Variants in PTPRD observed in about 807,000 individuals in gnomAD.
PTPRD encodes the protein receptor-type tyrosine-protein phosphatase delta.
Under a neutral mutation model 214.5 loss-of-function variants are expected in PTPRD, and 34 were observed. That is an observed-to-expected ratio of 0.16 (90% CI 0.12 to 0.21). PTPRD has a LOEUF of 0.21. Among genes scored for constraint, PTPRD ranks in the 10% least tolerant of loss-of-function variants. The pLI is 1.00. For missense variants in PTPRD, 2,545 were observed against 2,398.7 expected (o/e 1.06, Z -1.27); for synonymous variants, 1,128 against 845.7 (o/e 1.33, Z -5.79).
intron 11 of PTPRD, among the ~76,000 whole-genome samples, chr9:8,944,224 T>C (rs558450957): frequency 6.6e-5 from 10 of 152,208 alleles, no homozygotes; most frequent in African/African-American, 2.4e-4. Context: ...CCAGTTAAAA[T>C]GGCTTTTATC....
chr9:9,989,235 AGGGTC>A (rs2095829528), intron 4 of PTPRD, among the ~76,000 whole-genome samples: 2 of 152,030 alleles, frequency 1.3e-5, no homozygotes, highest in Admixed American at 1.3e-4. Flanking sequence ...GTCCCTGGCG[AGGGTC>A]CATCCTCAAG....
intron 12 of PTPRD, among the ~76,000 whole-genome samples, chr9:8,682,566 A>T (rs553145259): frequency 6.6e-6 from 1 of 152,348 alleles, no homozygotes; most frequent in South Asian, 2.1e-4. Flanking sequence ...AAAATAATTA[A>T]CACCCTTTTT....
chr9:9,051,222 T>C (rs1033150073), intron 10 of PTPRD, among the ~76,000 whole-genome samples: 2 of 152,124 alleles, frequency 1.3e-5, no homozygotes, highest in African/African-American at 4.8e-5. Flanking sequence ...CATCTGTCAA[T>C]TAAAAAATCT....
At chr9:8,528,554 T>G (rs1338856156) in intron 15 of PTPRD, 37 bp downstream of exon 15, 1 of 1,542,354 alleles carries the variant, frequency 6.5e-7, no homozygotes, top group South Asian at 1.3e-5. Context: ...AAAAAAAAAT[T>G]CTCTAGGAGT....
chr9:10,059,726 C>T (rs1391293381), intron 3 of PTPRD, among the ~76,000 whole-genome samples: 3 of 149,950 alleles, frequency 2.0e-5, no homozygotes, highest in East Asian at 2.0e-4. Flanking sequence ...AATTTGTAAG[C>T]GTCATAAACA....
intron 5 of PTPRD, among the ~76,000 whole-genome samples, chr9:9,794,657 T>C (rs1178621674): frequency 1.3e-5 from 2 of 152,188 alleles, no homozygotes; most frequent in East Asian, 1.9e-4. Context: ...TAATCTGATC[T>C]TCAAAAGAGC....
chr9:10,260,026 C>G (rs2093590091), intron 3 of PTPRD, among the ~76,000 whole-genome samples: 1 of 152,168 alleles, frequency 6.6e-6, no homozygotes, highest in Non-Finnish European at 1.5e-5. Context: ...CCGGCTAGTC[C>G]TTTGTGGTGG....
chr9:8,436,263 C>T (rs145774092), intron 35 of PTPRD, among the ~76,000 whole-genome samples: 2,218 of 152,052 alleles, frequency 0.015, 62 homozygotes, highest in African/African-American at 0.051. Flanking sequence ...CGATCTATTG[C>T]ACAGAATGGT....
intron 41 of PTPRD, among the ~76,000 whole-genome samples, chr9:8,340,762 CACTT>C (rs1265054108): frequency 2.0e-5 from 3 of 152,058 alleles, no homozygotes; most frequent in Non-Finnish European, 4.4e-5. Flanking sequence ...ACTTAAGAAA[CACTT>C]AGATGTGCAG....
Position 9,814,388 on chromosome 9 carries a change from A to G in PTPRD, c.-367-47537T>C, listed in dbSNP as rs189202705. 2.7e-4 allele frequency among the ~76,000 whole-genome samples: 41 copies of G among 151,772 alleles called. 1 individual carries two copies. Among genetic ancestry groups the G allele is most frequent in the Admixed American group, 2.6e-3 (39 of 15,236 alleles). ...AATGACTTCATTTTATATAGATAAA[A>G]CCCTCAACCCCCCACTATAAAACCG... On this transcript the variant is annotated intron_variant, in intron 5 of 45. Transcript: ENST00000381196.
At chr9:9,214,513 A>C (rs141600040) in intron 9 of PTPRD, among the ~76,000 whole-genome samples, 1 of 151,962 alleles carries the variant, frequency 6.6e-6, no homozygotes, top group Non-Finnish European at 1.5e-5. Context: ...TCTACTACAA[A>C]GCAGGGGGTG....
chr9:10,409,093 A>C (rs2098407352), intron 2 of PTPRD, among the ~76,000 whole-genome samples: 1 of 151,782 alleles, frequency 6.6e-6, no homozygotes, highest in Admixed American at 6.6e-5. Context: ...CACATTTTTA[A>C]GGGATTATAA....
chr9:8,407,063 C>T (rs2093054402), intron 35 of PTPRD, among the ~76,000 whole-genome samples: 1 of 152,196 alleles, frequency 6.6e-6, no homozygotes, highest in Admixed American at 6.5e-5. Flanking sequence ...TCCATTTCCA[C>T]TCTTGCCACA....
intron 4 of PTPRD, among the ~76,000 whole-genome samples, chr9:9,974,892 G>C (rs1480450118): frequency 6.6e-6 from 1 of 152,140 alleles, no homozygotes; most frequent in Non-Finnish European, 1.5e-5. Flanking sequence ...AGTGGGAAAA[G>C]GGGAGAAAAT....
intron 3 of PTPRD, among the ~76,000 whole-genome samples, chr9:10,202,081 T>C (rs1363953223): frequency 2.6e-5 from 4 of 152,018 alleles, no homozygotes; most frequent in South Asian, 4.2e-4. Flanking sequence ...ATAGAGGCTG[T>C]TTAGGCTGAG....
chr9:8,644,673 G>T (rs1017928129), intron 12 of PTPRD, among the ~76,000 whole-genome samples: 1 of 152,206 alleles, frequency 6.6e-6, no homozygotes, highest in Admixed American at 6.5e-5. Context: ...CAGGGAAGCT[G>T]CTGTGGTGCT....
chr9:9,086,900 G>T (rs2154428088), intron 10 of PTPRD, among the ~76,000 whole-genome samples: 1 of 152,184 alleles, frequency 6.6e-6, no homozygotes, highest in African/African-American at 2.4e-5. Flanking sequence ...ATAGTGTGTA[G>T]GTACCATACA....
At chr9:9,989,227 C>A (rs1438485802) in intron 4 of PTPRD, among the ~76,000 whole-genome samples, 7 of 151,912 alleles carry the variant, frequency 4.6e-5, no homozygotes, top group African/African-American at 9.7e-5. Flanking sequence ...GGATGTGGGT[C>A]CCTGGCGAGG....
chr9:8,647,871 C>T (rs998313771), intron 12 of PTPRD, among the ~76,000 whole-genome samples: 1 of 152,210 alleles, frequency 6.6e-6, no homozygotes, highest in Non-Finnish European at 1.5e-5. Context: ...TACATACAAA[C>T]TAAGCAACCA....
Sources: allele counts gnomAD v4.1 joint callset (sites outside exome capture counted in the v4.1 genomes callset), GRCh38; gene constraint gnomAD v4.1.1; transcripts MANE v1.5; gene names NCBI Gene and HGNC (gene_info 2026-07-23, HGNC 2026-07-21).